PLEKHD1: variants seen among roughly 807,000 people sequenced by gnomAD.
PLEKHD1 encodes pleckstrin homology domain-containing family D member 1.
PLEKHD1 carries 51 observed loss-of-function variants against 69.2 expected under a neutral mutation model. That is an observed-to-expected ratio of 0.74 (90% CI 0.59 to 0.93). The LOEUF is 0.93. Among genes scored for constraint, PLEKHD1 ranks in the 40% least tolerant of loss-of-function variants. The pLI is 0.00. For missense variants in PLEKHD1, 584 were observed against 641.0 expected, an observed-to-expected ratio of 0.91 and a Z score of 0.96; for synonymous variants, 236 against 244.7, an observed-to-expected ratio of 0.96 and a Z score of 0.33.
At chr14:69,514,830 G>A (rs759264882) in intron 6 of PLEKHD1, among the ~76,000 whole-genome samples, 1 of 152,032 alleles carries the variant, frequency 6.6e-6, no homozygotes, top group Non-Finnish European at 1.5e-5. Flanking sequence ...GCTGGAATTT[G>A]GTATTTCCCT....
the PLEKHD1 span, among the ~76,000 whole-genome samples, chr14:69,473,765 G>T: frequency 1.3e-5 from 2 of 152,210 alleles, no homozygotes. Flanking sequence ...AGGGGATCGA[G>T]GGGGAGATTG....
intron 3 of PLEKHD1, 23 bp from the exon 4 acceptor site, chr14:69,500,848 C>A (rs773309307): frequency 6.4e-7 from 1 of 1,551,340 alleles, no homozygotes; most frequent in Admixed American, 2.0e-5. Flanking sequence ...CTCAGGCATG[C>A]GCATGGCTCC....
At chr14:69,494,792 G>A (rs1410209684) in intron 1 of PLEKHD1, among the ~76,000 whole-genome samples, 1 of 152,238 alleles carries the variant, frequency 6.6e-6, no homozygotes, top group African/African-American at 2.4e-5. Flanking sequence ...CAGGGCACTG[G>A]TGTTCTGAGC....
chr14:69,496,297 AG>A (rs1882886590), intron 1 of PLEKHD1, among the ~76,000 whole-genome samples: 1 of 152,188 alleles, frequency 6.6e-6, no homozygotes, highest in Admixed American at 6.5e-5. Flanking sequence ...GAAGGCATAA[AG>A]GTATTTATTT....
chr14:69,504,907 C>A (rs1304318304), intron 6 of PLEKHD1, among the ~76,000 whole-genome samples: 1 of 152,166 alleles, frequency 6.6e-6, no homozygotes, highest in African/African-American at 2.4e-5. Context: ...GTATTGTCAG[C>A]AAATTAAAAA....
chr14:69,525,190 G>A (rs1455371530), intron 8 of PLEKHD1, among the ~76,000 whole-genome samples: 3 of 152,116 alleles, frequency 2.0e-5, no homozygotes, highest in Non-Finnish European at 2.9e-5. Context: ...AATTTCAGTA[G>A]ACTGTGTCTT....
intron 6 of PLEKHD1, among the ~76,000 whole-genome samples, chr14:69,510,814 C>T (rs1883254318): frequency 6.6e-6 from 1 of 152,162 alleles, no homozygotes. Context: ...TGAGAAGGGA[C>T]ATCCTCATCT....
chr14:69,474,770 C>T, the PLEKHD1 span, among the ~76,000 whole-genome samples: 9 of 152,196 alleles, frequency 5.9e-5, no homozygotes, highest in African/African-American at 2.2e-4. Context: ...AGTTTAGTAA[C>T]AAAGCCAGAA....
intron 1 of PLEKHD1, among the ~76,000 whole-genome samples, chr14:69,489,771 T>C (rs1882734762): frequency 6.6e-6 from 1 of 151,964 alleles, no homozygotes; most frequent in Non-Finnish European, 1.5e-5. Context: ...GTGCCTTGAG[T>C]CTACCACAAG....
At chr14:69,522,880 A>C (rs1028960511) in intron 7 of PLEKHD1, among the ~76,000 whole-genome samples, 18 of 152,036 alleles carry the variant, frequency 1.2e-4, no homozygotes, top group Admixed American at 2.0e-4. Flanking sequence ...CTCTCTCTAT[A>C]TATATACATG....
chr14:69,526,909 C>G, intron 10 of PLEKHD1, 80 bp downstream of exon 10: 1 of 1,441,436 alleles, frequency 6.9e-7, no homozygotes, highest in Non-Finnish European at 9.1e-7. Context: ...TACCGGGTAG[C>G]TGCATGAATT....
intron 7 of PLEKHD1, 113 bp downstream of exon 7, chr14:69,522,490 T>G: frequency 8.5e-7 from 1 of 1,170,596 alleles, no homozygotes; most frequent in East Asian, 2.6e-5. Flanking sequence ...TTCCCAAGGC[T>G]CCAGGCTTGG....
chr14:69,518,241 G>A (rs898557651), intron 6 of PLEKHD1, among the ~76,000 whole-genome samples: 10 of 151,862 alleles, frequency 6.6e-5, no homozygotes, highest in African/African-American at 1.2e-4. Flanking sequence ...GGGGTTTGCC[G>A]TGTTGGCCAG....
rs936568466 is a variant in PLEKHD1, at chr14:69,524,381, G to A, written c.744+59G>A. On this transcript the variant is annotated intron_variant, in intron 8 of 12. Coordinates refer to ENST00000322564, the MANE Select transcript of PLEKHD1 (RefSeq NM_001161498.2). ...GGCAGGCTGGTTGGTTGGACCACAT[G>A]ACACTGTTTTTTCCAGCAGTGTTTC... 5 of 1,404,644 alleles carry A rather than the reference G, an allele frequency of 3.6e-6. No homozygotes were observed. In the African/African-American group the frequency reaches 7.2e-5, roughly 20 times the overall value. 87.0% of individuals were successfully genotyped at this position (1,404,644 alleles called of 1,614,324 possible).
upstream of PLEKHD1, among the ~76,000 whole-genome samples, chr14:69,483,777 A>G (rs1171230482): frequency 6.6e-6 from 1 of 152,240 alleles, no homozygotes; most frequent in African/African-American, 2.4e-5. Context: ...GCGGCCGCTC[A>G]CTGCGCGGTC....
intron 6 of PLEKHD1, among the ~76,000 whole-genome samples, chr14:69,512,801 C>T (rs996018662): frequency 3.3e-5 from 5 of 151,936 alleles, no homozygotes; most frequent in Non-Finnish European, 7.4e-5. Context: ...GTGATGCATG[C>T]CTGTAATCCC....
At chr14:69,490,384 G>A (rs962461531) in intron 1 of PLEKHD1, among the ~76,000 whole-genome samples, 2 of 152,178 alleles carry the variant, frequency 1.3e-5, no homozygotes, top group African/African-American at 4.8e-5. Context: ...GACAGGAGGC[G>A]GAGCTCAGGC....
intron 8 of PLEKHD1, 84 bp from the exon 9 acceptor site, chr14:69,525,860 C>T: frequency 7.6e-7 from 1 of 1,320,774 alleles, no homozygotes; most frequent in Non-Finnish European, 1.0e-6. Flanking sequence ...GTGGGTCACT[C>T]CCCCAAACGG....
chr14:69,525,111 C>G (rs1222202889), intron 8 of PLEKHD1, among the ~76,000 whole-genome samples: 3 of 152,176 alleles, frequency 2.0e-5, no homozygotes, highest in African/African-American at 7.2e-5. Context: ...ACTCTGAGCT[C>G]TTGGCTCCCG....
Sources: allele counts gnomAD v4.1 joint callset (sites outside exome capture counted in the v4.1 genomes callset), GRCh38; gene constraint gnomAD v4.1.1; transcripts MANE v1.5; gene names NCBI Gene and HGNC (gene_info 2026-07-23, HGNC 2026-07-21).